The following KCNH8 variants were observed in gnomAD, a reference collection of about 807,000 sequenced individuals.
The protein encoded by KCNH8 is potassium voltage-gated channel subfamily H member 8.
KCNH8 carries 70 observed loss-of-function variants against 103.6 expected under a neutral mutation model. The ratio of observed to expected loss-of-function variants is 0.68; its 90% confidence interval spans 0.56 to 0.82. KCNH8 has a LOEUF of 0.82. Among genes scored for constraint, KCNH8 ranks in the 40% least tolerant of loss-of-function variants. The probability of loss-of-function intolerance (pLI) is 0.00; values close to 1 mark genes in which losing one functional copy is unlikely to be tolerated. For missense variants in KCNH8, 1,217 were observed against 1,329.9 expected, an observed-to-expected ratio of 0.92 and a Z score of 1.32; for synonymous variants, 498 against 489.4, an observed-to-expected ratio of 1.02 and a Z score of -0.23.
chr3:19,221,968 G>C (rs544663326), intron 1 of KCNH8, among the ~76,000 whole-genome samples: 1 of 151,816 alleles, frequency 6.6e-6, no homozygotes, highest in Non-Finnish European at 1.5e-5. Flanking sequence ...CTGCCTCAGC[G>C]TCCTGAGTAG....
At chr3:19,240,063 C>G (rs1575460914) in intron 1 of KCNH8, among the ~76,000 whole-genome samples, 1 of 152,204 alleles carries the variant, frequency 6.6e-6, no homozygotes, top group African/African-American at 2.4e-5. Flanking sequence ...ATAAAATATA[C>G]TTAGTATTGG....
intron 7 of KCNH8, among the ~76,000 whole-genome samples, chr3:19,427,200 C>T (rs924174266): frequency 6.6e-6 from 1 of 152,070 alleles, no homozygotes; most frequent in Non-Finnish European, 1.5e-5. Flanking sequence ...TTAAAAAAAC[C>T]ACTGTCAATT....
intron 1 of KCNH8, among the ~76,000 whole-genome samples, chr3:19,170,584 CTA>C (rs113772694): frequency 0.028 from 3,216 of 113,812 alleles, 116 homozygotes; most frequent in African/African-American, 0.088. Context: ...CTTGGGGCAT[CTA>C]TATATATATA....
intron 1 of KCNH8, among the ~76,000 whole-genome samples, chr3:19,202,548 G>A (rs535370437): frequency 1.3e-5 from 2 of 152,126 alleles, no homozygotes; most frequent in Non-Finnish European, 1.5e-5. Context: ...TAACTCCTGC[G>A]CCAGATGCAC....
At chr3:19,225,624 T>A (rs2063922248) in intron 1 of KCNH8, among the ~76,000 whole-genome samples, 1 of 152,192 alleles carries the variant, frequency 6.6e-6, no homozygotes, top group African/African-American at 2.4e-5. Flanking sequence ...ATTCCCTTTT[T>A]AGAAAATTGT....
chr3:19,476,547 C>T (rs1006390387), intron 11 of KCNH8, among the ~76,000 whole-genome samples: 3 of 152,008 alleles, frequency 2.0e-5, no homozygotes, highest in African/African-American at 7.2e-5. Context: ...TAATCAGAAG[C>T]GGGTCACTGG....
At chr3:19,318,664 C>CGTGTGT (rs1559474372) in intron 3 of KCNH8, among the ~76,000 whole-genome samples, 36 of 24,406 alleles carry the variant, frequency 1.5e-3, no homozygotes, top group African/African-American at 4.6e-3. Flanking sequence ...TGTGTGTGTA[C>CGTGTGT]ACACACACAC....
At chr3:19,289,081 T>A (rs1319951689) in intron 3 of KCNH8, among the ~76,000 whole-genome samples, 3 of 151,730 alleles carry the variant, frequency 2.0e-5, no homozygotes, top group African/African-American at 7.3e-5. Context: ...GGGGTTGTTT[T>A]TTTCTTGTAA....
At chr3:19,455,007 A>G (rs533439889) in intron 10 of KCNH8, among the ~76,000 whole-genome samples, 1 of 152,312 alleles carries the variant, frequency 6.6e-6, no homozygotes, top group South Asian at 2.1e-4. Context: ...AAACTTAGCA[A>G]GTACATGACA....
intron 3 of KCNH8, among the ~76,000 whole-genome samples, chr3:19,290,856 G>A (rs928375614): frequency 3.3e-5 from 5 of 152,098 alleles, no homozygotes; most frequent in Admixed American, 2.6e-4. Flanking sequence ...GGTAGAATTC[G>A]GCTATGAATC....
Position 19,342,681 on chromosome 3 carries a change from A to G in KCNH8, c.537A>G (p.Gln179=). 1 of 1,610,042 alleles carries G rather than the reference A, an allele frequency of 6.2e-7. No homozygotes were observed. The highest frequency in any genetic ancestry group is 8.5e-7 in the Non-Finnish European group (1 of 1,177,166). ...AVLYHISGHL[Q]RREKNKLKIN... The stretch of plus-strand genomic sequence containing the variant: ...TTTATCACATCTCTGGGCACCTGCA[A>G]AGAAGAGAAAAGAACAAATTGAAAA... Residue 179 remains glutamine (Q), a synonymous_variant, in exon 4 of 16, where the codon CAA becomes CAG. Transcript: ENST00000328405.
intron 11 of KCNH8, among the ~76,000 whole-genome samples, chr3:19,462,169 A>T (rs1354035749): frequency 1.3e-5 from 2 of 152,130 alleles, no homozygotes; most frequent in Non-Finnish European, 2.9e-5. Context: ...TAATGGGATC[A>T]CTGGGTCAAA....
At chr3:19,493,946 T>A (rs2068380749) in intron 11 of KCNH8, among the ~76,000 whole-genome samples, 1 of 152,198 alleles carries the variant, frequency 6.6e-6, no homozygotes, top group Non-Finnish European at 1.5e-5. Flanking sequence ...GATTATTTCA[T>A]CAGCCATGTA....
intron 13 of KCNH8, among the ~76,000 whole-genome samples, chr3:19,514,783 T>C (rs890463517): frequency 6.6e-6 from 1 of 151,850 alleles, no homozygotes. Context: ...GGTTAAAACC[T>C]GGAGAGTAGT....
At chr3:19,301,913 A>G (rs2065068854) in intron 3 of KCNH8, among the ~76,000 whole-genome samples, 1 of 152,214 alleles carries the variant, frequency 6.6e-6, no homozygotes, top group Non-Finnish European at 1.5e-5. Context: ...AAGGATACAA[A>G]TGAACAGACA....
intron 3 of KCNH8, among the ~76,000 whole-genome samples, chr3:19,284,902 AAAAGGAAAG>A (rs990557807): frequency 6.7e-6 from 1 of 149,858 alleles, no homozygotes; most frequent in African/African-American, 2.5e-5. Context: ...GAAAGAAAAG[AAAAGGAAAG>A]AAAGAAAAGA....
intron 1 of KCNH8, among the ~76,000 whole-genome samples, chr3:19,193,724 A>G (rs2063574618): frequency 6.6e-6 from 1 of 151,762 alleles, no homozygotes; most frequent in African/African-American, 2.4e-5. Flanking sequence ...ATTAAATTGG[A>G]GATAACTATA....
chr3:19,199,864 A>G (rs1255887232), intron 1 of KCNH8, among the ~76,000 whole-genome samples: 3 of 151,994 alleles, frequency 2.0e-5, no homozygotes, highest in East Asian at 1.9e-4. Flanking sequence ...GGTCCTTTCT[A>G]TCCGTATGAA....
At chr3:19,290,676 A>G (rs1023941965) in intron 3 of KCNH8, among the ~76,000 whole-genome samples, 20 of 152,266 alleles carry the variant, frequency 1.3e-4, no homozygotes, top group South Asian at 8.3e-4. Flanking sequence ...TTTTTGCATC[A>G]GTGTTAATCA....
Sources: allele counts gnomAD v4.1 joint callset (sites outside exome capture counted in the v4.1 genomes callset), GRCh38; gene constraint gnomAD v4.1.1; transcripts MANE v1.5; gene names NCBI Gene and HGNC (gene_info 2026-07-23, HGNC 2026-07-21).